The following PUDP variants were observed in gnomAD, a reference collection of about 807,000 sequenced individuals.
PUDP encodes the protein pseudouridine 5'-phosphatase, also known as pseudouridine-5'-phosphatase.
PUDP carries 8 observed loss-of-function variants against 9.4 expected under a neutral mutation model. The ratio of observed to expected loss-of-function variants is 0.85; its 90% CI spans 0.50 to 1.53. The LOEUF (loss-of-function observed/expected upper bound fraction) is 1.53. Among genes scored for constraint, PUDP ranks in the 40% most tolerant of loss-of-function variants. PUDP has a pLI of 0.00. For missense variants in PUDP, 188 were observed against 189.7 expected (o/e 0.99, Z 0.05); for synonymous variants, 99 against 80.7 (o/e 1.23, Z -1.22).
intron 3 of PUDP, among the ~76,000 whole-genome samples, chrX:6,919,240 C>T (rs1009406828): frequency 2.7e-5 from 3 of 111,840 alleles, no homozygotes; most frequent in Admixed American, 1.9e-4. Context: ...TGCAAATATA[C>T]GGCCAGGCTT....
At chrX:6,949,714 C>G (rs1928520558) in intron 3 of PUDP, among the ~76,000 whole-genome samples, 2 of 112,260 alleles carry the variant, frequency 1.8e-5, no homozygotes, top group Admixed American at 1.9e-4. Context: ...AAATTACATC[C>G]AAATTTTATC....
rs560446468 is a variant in PUDP at position 6,969,821 on chromosome X, G to A, written c.*247+7312C>T. ...TCTTTGAGCCCAGGAGTTCAAGGCC[G>A]CAGTGAGCTATGATTGCACCACTGC... On this transcript the variant is annotated intron_variant and NMD_transcript_variant, in intron 3 of 3. Coordinates refer to the PUDP transcript ENST00000655425. Among the ~76,000 whole-genome samples the A allele has an allele frequency of 8.2e-4, 92 of 112,210 alleles. No individual in the cohort carries two copies. In the South Asian group the frequency reaches 0.012, roughly 15 times the overall value.
chrX:6,933,838 G>A (rs1181348916), intron 3 of PUDP, among the ~76,000 whole-genome samples: 1 of 111,713 alleles, frequency 9.0e-6, no homozygotes, highest in Non-Finnish European at 1.9e-5. Context: ...GAAGAATGCA[G>A]AAGCCCCAGG....
At chrX:7,105,307 G>A (rs1490671103) in intron 2 of PUDP, among the ~76,000 whole-genome samples, 1 of 110,607 alleles carries the variant, frequency 9.0e-6, no homozygotes, top group Admixed American at 9.7e-5. Context: ...ATCTATTAAG[G>A]TAAACTTTGA....
chrX:6,807,508 G>A (rs922480994), intron 3 of PUDP, among the ~76,000 whole-genome samples: 1 of 112,476 alleles, frequency 8.9e-6, no homozygotes, highest in African/African-American at 3.2e-5. Flanking sequence ...ATTTGCGAGT[G>A]TAACTATGTC....
chrX:7,118,366 A>G (rs1932252293), intron 1 of PUDP, among the ~76,000 whole-genome samples: 1 of 112,095 alleles, frequency 8.9e-6, no homozygotes, highest in Admixed American at 9.4e-5. Flanking sequence ...CACAAAATAT[A>G]TTCCTCTCTT....
intron 2 of PUDP, among the ~76,000 whole-genome samples, chrX:7,104,487 T>C (rs1271028286): frequency 8.9e-6 from 1 of 111,821 alleles, no homozygotes; most frequent in Non-Finnish European, 1.9e-5. Context: ...TATAGCAACA[T>C]GAATAGACTT....
chrX:7,021,975 T>A (rs1474140250), intron 1 of PUDP, among the ~76,000 whole-genome samples: 1 of 112,312 alleles, frequency 8.9e-6, no homozygotes, highest in Admixed American at 9.5e-5. Flanking sequence ...AGTCATTTCA[T>A]CCCTTGCCAT....
intron 1 of PUDP, among the ~76,000 whole-genome samples, chrX:7,014,552 C>T (rs1735303894): frequency 3.6e-5 from 4 of 111,560 alleles, no homozygotes; most frequent in South Asian, 7.6e-4. Flanking sequence ...GATTTTAAAA[C>T]GAATCGAATA....
rs1926481243 is a variant in PUDP, at chrX:6,830,058, T to A, written c.*248-123592A>T. Among the ~76,000 whole-genome samples the A allele has an allele frequency of 2.7e-5, 3 of 109,199 alleles. No homozygotes were observed. The South Asian group carries it at 1.2e-3, about 43-fold the overall frequency. The allele number at this position is 109,199 out of a possible 115,157, so 94.8% of individuals were successfully genotyped here. ...GGGAATGCCTGTCAGTACCAGAAAA[T>A]ACACCCCTGAGAATGAATCTAAAAA... is the stretch of plus-strand genomic sequence containing the variant. On this transcript the variant is annotated intron_variant and NMD_transcript_variant, in intron 3 of 3. Coordinates refer to the PUDP transcript ENST00000655425.
At chrX:7,046,486 G>C (rs1929985036), downstream of PUDP, among the ~76,000 whole-genome samples, 1 of 111,704 alleles carries the variant, frequency 9.0e-6, no homozygotes, top group Non-Finnish European at 1.9e-5. Flanking sequence ...TTTTGTTATG[G>C]CAGCTGGAAA....
intron 3 of PUDP, among the ~76,000 whole-genome samples, chrX:6,948,731 G>A (rs1458870754): frequency 8.9e-6 from 1 of 112,095 alleles, no homozygotes; most frequent in African/African-American, 3.2e-5. Context: ...GCAGTGTTGT[G>A]GATCATTTTC....
chrX:7,113,885 G>A (rs1166520927), intron 1 of PUDP, among the ~76,000 whole-genome samples: 10 of 111,090 alleles, frequency 9.0e-5, no homozygotes, highest in African/African-American at 3.3e-4. Flanking sequence ...CCTAAAACGT[G>A]GTAATGTATG....
At chrX:6,786,304 C>A (rs1925646099) in intron 3 of PUDP, among the ~76,000 whole-genome samples, 1 of 111,643 alleles carries the variant, frequency 9.0e-6, no homozygotes, top group African/African-American at 3.3e-5. Flanking sequence ...GCAAAGAAAC[C>A]CACAGGGTAT....
intron 2 of PUDP, among the ~76,000 whole-genome samples, chrX:7,095,990 G>A (rs1161356290): frequency 8.9e-6 from 1 of 112,059 alleles, no homozygotes; most frequent in Non-Finnish European, 1.9e-5. Flanking sequence ...AGCACAGCTT[G>A]CCTGCTGAGG....
chrX:6,908,759 G>A (rs1693203350), intron 3 of PUDP, among the ~76,000 whole-genome samples: 1 of 111,611 alleles, frequency 9.0e-6, no homozygotes, highest in African/African-American at 3.3e-5. Flanking sequence ...TTGTTTATAA[G>A]CCACTTAGTT....
chrX:6,886,973 A>G (rs1927432479), intron 3 of PUDP, among the ~76,000 whole-genome samples: 1 of 107,564 alleles, frequency 9.3e-6, no homozygotes, highest in African/African-American at 3.3e-5. Flanking sequence ...AGAAACATGC[A>G]GCTCCAAATA....
At chrX:6,787,621 C>T (rs1282204950) in intron 3 of PUDP, among the ~76,000 whole-genome samples, 1 of 112,329 alleles carries the variant, frequency 8.9e-6, no homozygotes, top group East Asian at 2.8e-4. Flanking sequence ...TTCCCTGGCA[C>T]ATTTTTCACA....
intron 2 of PUDP, among the ~76,000 whole-genome samples, chrX:7,079,671 T>C (rs1375321805): frequency 8.9e-6 from 1 of 112,629 alleles, no homozygotes; most frequent in Non-Finnish European, 1.9e-5. Context: ...ATGTGGAAAA[T>C]CACAAATATT....
Sources: allele counts gnomAD v4.1 joint callset (sites outside exome capture counted in the v4.1 genomes callset), GRCh38; gene constraint gnomAD v4.1.1; transcripts MANE v1.5; gene names NCBI Gene and HGNC (gene_info 2026-07-23, HGNC 2026-07-21).